HMCN1: variants seen among roughly 807,000 people sequenced by gnomAD.
The protein encoded by HMCN1 is hemicentin 1.
A neutral mutation model predicts 625.9 loss-of-function variants in HMCN1; 321 were observed. The observed-to-expected ratio is 0.51, with a 90% CI of 0.47 to 0.56. The LOEUF is 0.56. HMCN1 is among the 20% of genes least tolerant of loss of function. The pLI is 0.00. For synonymous variants in HMCN1, 2,425 were observed against 2,417.6 expected (o/e 1.00, Z -0.09); for missense variants, 6,588 against 6,887.3 (o/e 0.96, Z 1.54).
At chr1:185,958,670 A>G (rs1346322192) in intron 11 of HMCN1, among the ~76,000 whole-genome samples, 3 of 152,178 alleles carry the variant, frequency 2.0e-5, no homozygotes. Context: ...AGTCCATAAT[A>G]ATGCTATGAG....
chr1:186,074,674 A>G, intron 52 of HMCN1, 67 bp from the exon 53 acceptor site: 1 of 1,388,536 alleles, frequency 7.2e-7, no homozygotes, highest in Non-Finnish European at 1.0e-6. Flanking sequence ...AAAAACTATC[A>G]ACTGCATGGC....
chr1:185,814,190 T>G (rs1308174622), intron 1 of HMCN1, among the ~76,000 whole-genome samples: 1 of 152,164 alleles, frequency 6.6e-6, no homozygotes, highest in Non-Finnish European at 1.5e-5. Flanking sequence ...CGAGTCTTCT[T>G]TCTTCCCTTA....
At chr1:186,129,924 A>G (rs768677898) in intron 83 of HMCN1, 42 bp from the exon 84 acceptor site, 9 of 1,611,254 alleles carry the variant, frequency 5.6e-6, no homozygotes. Context: ...AATTTTTCCT[A>G]GGTTACTGAG....
intron 1 of HMCN1, among the ~76,000 whole-genome samples, chr1:185,781,076 G>C (rs1244338439): frequency 1.3e-5 from 2 of 152,114 alleles, no homozygotes; most frequent in African/African-American, 4.8e-5. Context: ...TTTAGTCTTG[G>C]GAAGTTGTAT....
intron 84 of HMCN1, 114 bp downstream of exon 84, chr1:186,130,214 T>C: frequency 7.2e-7 from 1 of 1,387,728 alleles, no homozygotes; most frequent in Non-Finnish European, 1.0e-6. Context: ...ATCCACTCAG[T>C]CCTATTTCAC....
chr1:186,116,982 T>A lies in HMCN1; in HGVS notation c.11562-12T>A. ...ACATATAGTATCTCATGCTTTGAAA[T>A]GTGTCTTCTAGGCTCCTTTCTTCAG... is the stretch of plus-strand genomic sequence containing the variant. On this transcript the variant is annotated splice_polypyrimidine_tract_variant and intron_variant, in intron 75 of 106. Coordinates refer to ENST00000271588, the MANE Select transcript of HMCN1 (RefSeq NM_031935.3). 6.2e-7 allele frequency: 1 copy of A among 1,612,462 alleles called. No individual in the cohort carries two copies. Among genetic ancestry groups the A allele is most frequent in the Non-Finnish European group, 8.5e-7 (1 of 1,178,848 alleles).
At chr1:186,099,549 G>C (rs1660295987) in intron 68 of HMCN1, among the ~76,000 whole-genome samples, 1 of 152,046 alleles carries the variant, frequency 6.6e-6, no homozygotes. Context: ...CACTAAGAAA[G>C]ATATGATCTC....
intron 69 of HMCN1, 49 bp from the exon 70 acceptor site, chr1:186,106,835 C>T: frequency 4.7e-6 from 6 of 1,272,546 alleles, no homozygotes; most frequent in Non-Finnish European, 6.9e-6. Flanking sequence ...ATTTTAATAA[C>T]AAAAGCTAAC....
intron 93 of HMCN1, among the ~76,000 whole-genome samples, chr1:186,149,110 G>C (rs1344906131): frequency 1.3e-5 from 2 of 152,124 alleles, no homozygotes; most frequent in African/African-American, 2.4e-5. Flanking sequence ...TTCACAATGA[G>C]CATTGACCTC....
chr1:186,061,791 G>C, intron 46 of HMCN1, 60 bp from the exon 47 acceptor site: 1 of 1,142,574 alleles, frequency 8.8e-7, no homozygotes, highest in East Asian at 2.4e-5. Context: ...TCACTTGGAT[G>C]GCTTATAAAG....
chr1:186,087,549 A>G lies in HMCN1; in HGVS notation c.9267A>G (p.Pro3089=). The G allele has an allele frequency of 6.2e-7, 1 of 1,613,360 alleles. No homozygotes were observed. Among genetic ancestry groups the G allele is most frequent in the Non-Finnish European group, 8.5e-7 (1 of 1,179,510 alleles). ...LECESNAVPP[P]VITWYKNGRM... ...GTGAGTCGAACGCTGTGCCACCTCCAGTCATCACTTGGTATAAGAATGGGC... is the reference window on the plus strand; with the variant it reads ...GTGAGTCGAACGCTGTGCCACCTCCGGTCATCACTTGGTATAAGAATGGGC... Residue 3089 remains proline (P), a synonymous_variant, in exon 60 of 107, where the codon CCA becomes CCG. Coordinates refer to ENST00000271588, the MANE Select transcript of HMCN1 (RefSeq NM_031935.3).
chr1:185,995,872 A>G (rs1249385497), intron 24 of HMCN1, among the ~76,000 whole-genome samples: 1 of 152,134 alleles, frequency 6.6e-6, no homozygotes, highest in Non-Finnish European at 1.5e-5. Context: ...AGACAAGAAG[A>G]AAAGATAAGC....
At chr1:186,143,580 C>T (rs1172510893) in intron 89 of HMCN1, among the ~76,000 whole-genome samples, 2 of 152,176 alleles carry the variant, frequency 1.3e-5, no homozygotes. Context: ...GTATGTTATT[C>T]AGAACTTTAA....
intron 11 of HMCN1, among the ~76,000 whole-genome samples, chr1:185,953,775 C>G (rs987870554): frequency 1.3e-5 from 2 of 151,790 alleles, no homozygotes; most frequent in Admixed American, 1.3e-4. Context: ...CATGCGCATC[C>G]GTGTGAAGAG....
rs1653363422 is a variant in HMCN1 at position 186,003,862 on chromosome 1, AT to A, written c.4475+21del. On this transcript the variant is annotated intron_variant, in intron 29 of 106. Coordinates refer to ENST00000271588, the MANE Select transcript of HMCN1 (RefSeq NM_031935.3). Reference sequence around the variant, plus strand: ...GATGGCAAGTGAGTATCTTTTCTGTATTTGTTGCAAGGTTTCAATGATAGGA... The same window carrying A: ...GATGGCAAGTGAGTATCTTTTCTGTATTGTTGCAAGGTTTCAATGATAGGA... 6.2e-7 allele frequency: 1 copy of A among 1,611,690 alleles called. No individual in the cohort carries two copies. The highest frequency in any genetic ancestry group is 1.3e-5 in the African/African-American group (1 of 74,812).
At chr1:185,960,603 T>C (rs1649944661) in intron 11 of HMCN1, among the ~76,000 whole-genome samples, 1 of 152,192 alleles carries the variant, frequency 6.6e-6, no homozygotes, top group Non-Finnish European at 1.5e-5. Flanking sequence ...GTAACTGACT[T>C]ATTTTTACTT....
rs143725173 is a variant in HMCN1 at position 186,189,585 on chromosome 1, G to A, written c.16615G>A (p.Val5539Ile). Residue 5539 changes from valine (V) to isoleucine (I), a missense_variant, in exon 107 of 107, where the codon GTC becomes ATC. Physicochemically the swap from Val to Ile is conservative, Grantham distance 29 (BLOSUM62 3). Coordinates refer to ENST00000271588, the MANE Select transcript of HMCN1 (RefSeq NM_031935.3). ...CCCATATGCCTTGGAATACAAACTC[G>A]TCTCCCTCCCATTTGGAATAGCCAC... ...LSPYALEYKL[V>I]SLPFGIATNQ... 23 of 1,613,608 alleles carry A rather than the reference G, an allele frequency of 1.4e-5. 1 individual carries two copies. Among genetic ancestry groups the A allele is most frequent in the East Asian group, 8.9e-5 (4 of 44,870 alleles).
At chr1:186,073,752 T>C (rs1472125387) in intron 52 of HMCN1, among the ~76,000 whole-genome samples, 1 of 149,518 alleles carries the variant, frequency 6.7e-6, no homozygotes, top group Non-Finnish European at 1.5e-5. Context: ...GCAGTGAAAA[T>C]ATTGCAAGGT....
chr1:185,836,892 G>C (rs1661202729), intron 1 of HMCN1, among the ~76,000 whole-genome samples: 1 of 152,022 alleles, frequency 6.6e-6, no homozygotes, highest in African/African-American at 2.4e-5. Context: ...CTTGGTTTCT[G>C]TTCCTGTGTT....
Sources: allele counts gnomAD v4.1 joint callset (sites outside exome capture counted in the v4.1 genomes callset), GRCh38; gene constraint gnomAD v4.1.1; transcripts MANE v1.5; gene names NCBI Gene and HGNC (gene_info 2026-07-23, HGNC 2026-07-21).